AOC2: variants seen among roughly 807,000 people sequenced by gnomAD.
AOC2 encodes amine oxidase copper containing 2.
A neutral mutation model predicts 53.8 loss-of-function variants in AOC2; 57 were observed. The observed-to-expected ratio is 1.06, with a 90% CI of 0.86 to 1.32. AOC2 has a LOEUF of 1.32. Among genes scored for constraint, AOC2 ranks in the 40% most tolerant of loss-of-function variants. AOC2 has a pLI of 0.00. For synonymous variants in AOC2, 404 were observed against 399.0 expected, an observed-to-expected ratio of 1.01 and a Z score of -0.15; for missense variants, 1,008 against 957.2, an observed-to-expected ratio of 1.05 and a Z score of -0.70.
chr17:42,849,668 G>A lies in AOC2; in HGVS notation c.1942G>A (p.Asp648Asn). Reference sequence around the variant, plus strand: ...GAGCAGTAGCATCTATCACCAGAATGACATCTGGACACCCACAGTTACCTT... The same window carrying A: ...GAGCAGTAGCATCTATCACCAGAATAACATCTGGACACCCACAGTTACCTT... The part of the protein sequence containing the change: ...SQSSSIYHQN[D>N]IWTPTVTFAD... The change falls in exon 3 of 4, where the codon GAC becomes AAC. Residue 648 changes from aspartate (D) to asparagine (N), a missense_variant. Coordinates refer to ENST00000253799, the MANE Select transcript of AOC2 (RefSeq NM_009590.4). 6.2e-7 allele frequency: 1 copy of A among 1,614,112 alleles called. No homozygotes were observed.
Position 42,845,466 on chromosome 17 carries a change from G to A in AOC2, c.840G>A (p.Leu280=). 2 of 1,614,166 alleles carry A rather than the reference G, an allele frequency of 1.2e-6. No individual in the cohort carries two copies. Among genetic ancestry groups the A allele is most frequent in the Non-Finnish European group, 1.7e-6 (2 of 1,180,044 alleles). Residue 280 remains leucine, a synonymous_variant, in exon 1 of 4, where the codon TTG becomes TTA. Transcript: ENST00000253799. The part of the protein sequence containing the change: ...QLEREFKSGR[L]EVVRVPLPPP... ...AACGGGAGTTTAAGTCTGGCCGGTT[G>A]GAAGTGGTTAGAGTCCCTCTACCTC...
At chr17:42,847,978 A>G (rs2055611754) in intron 1 of AOC2, among the ~76,000 whole-genome samples, 1 of 148,086 alleles carries the variant, frequency 6.8e-6, no homozygotes, top group African/African-American at 2.5e-5. Flanking sequence ...GGGTTTCACC[A>G]TGTTGGCCAG....
At chr17:42,846,395 G>A (rs188502518) in intron 1 of AOC2, among the ~76,000 whole-genome samples, 181 bp downstream of exon 1, 15 of 152,314 alleles carry the variant, frequency 9.8e-5, no homozygotes, top group African/African-American at 3.1e-4. Context: ...CAGTGAGTCT[G>A]GTACTGGGCT....
At position 42,845,041 on chromosome 17, in the gene AOC2, G is replaced by A. The variant is rs2055580880; in HGVS notation, c.415G>A (p.Val139Met). Residue 139 changes from valine (V) to methionine (M), a missense_variant, in exon 1 of 4, where the codon GTG (valine) becomes ATG (methionine). By Grantham distance (21) the Val-to-Met change is conservative. Coordinates refer to ENST00000253799, the MANE Select transcript of AOC2 (RefSeq NM_009590.4). Reference sequence around the variant, plus strand: ...CCAACCCAATGTGAGTGAGCTGGTGGTGGGGCCGCTGCCTCACCCCTCGTA... The same window carrying A: ...CCAACCCAATGTGAGTGAGCTGGTGATGGGGCCGCTGCCTCACCCCTCGTA... ...QPQPNVSELV[V>M]GPLPHPSYMR... 6.2e-7 allele frequency: 1 copy of A among 1,613,200 alleles called. No homozygotes were observed. The highest frequency in any genetic ancestry group is 1.3e-5 in the African/African-American group (1 of 74,876).
chr17:42,845,522 G>T lies in AOC2; in HGVS notation c.896G>T (p.Arg299Leu). 1 of 1,614,116 alleles carries T rather than the reference G, an allele frequency of 6.2e-7. No individual in the cohort carries two copies. Among genetic ancestry groups the T allele is most frequent in the Non-Finnish European group, 8.5e-7 (1 of 1,179,992 alleles). ...PPNGASSLRSRNSPGPLPPLQ... is the reference protein window; with the variant it reads ...PPNGASSLRSLNSPGPLPPLQ... The stretch of plus-strand genomic sequence containing the variant: ...AATGGAGCTTCATCCCTGAGGTCTC[G>T]GAACTCTCCAGGTCCTCTTCCCCCT... Residue 299 changes from arginine to leucine, a missense_variant, in exon 1 of 4, where the codon CGG becomes CTG. Physicochemically the swap from Arg to Leu is moderately radical, Grantham distance 102. Coordinates refer to ENST00000253799, the MANE Select transcript of AOC2 (RefSeq NM_009590.4).
rs142436284 is a variant in AOC2 at position 42,845,035 on chromosome 17, C to G, written c.409C>G (p.Leu137Val). The change falls in exon 1 of 4, where the codon CTG (leucine) becomes GTG (valine). Residue 137 changes from leucine (L) to valine (V), a missense_variant. By Grantham distance (32) the Leu-to-Val change is conservative (BLOSUM62 1). Coordinates refer to ENST00000253799, the MANE Select transcript of AOC2 (RefSeq NM_009590.4). ...ACAACCCCAACCCAATGTGAGTGAGCTGGTGGTGGGGCCGCTGCCTCACCC... is the reference window on the plus strand; with the variant it reads ...ACAACCCCAACCCAATGTGAGTGAGGTGGTGGTGGGGCCGCTGCCTCACCC... ...GGQPQPNVSE[L>V]VVGPLPHPSY... 103 of 1,613,916 alleles carry G rather than the reference C, an allele frequency of 6.4e-5. No homozygotes were observed. The African/African-American group carries it at 1.3e-3, about 20-fold the overall frequency.
At position 42,845,262 on chromosome 17, in the gene AOC2, G is replaced by A. The variant is rs766208012; in HGVS notation, c.636G>A (p.Leu212=). The A allele has an allele frequency of 8.7e-6, 14 of 1,614,010 alleles. No individual in the cohort carries two copies. Among genetic ancestry groups the A allele is most frequent in the South Asian group, 3.3e-5 (3 of 91,090 alleles). The part of the protein sequence containing the change: ...LAAVHATPRG[L]RSGDRATWMA... ...CTGTGCATGCCACCCCTCGGGGCTTGCGCTCAGGGGACCGAGCTACCTGGA... is the reference window on the plus strand; with the variant it reads ...CTGTGCATGCCACCCCTCGGGGCTTACGCTCAGGGGACCGAGCTACCTGGA... The change falls in exon 1 of 4, where the codon TTG becomes TTA. Residue 212 remains leucine (L), a synonymous_variant. Coordinates refer to ENST00000253799, the MANE Select transcript of AOC2 (RefSeq NM_009590.4).
In AOC2 at chr17:42,845,063, C is replaced by T. The variant is rs551906714; in HGVS notation, c.437C>T (p.Ser146Leu). The T allele has an allele frequency of 7.5e-5, 121 of 1,613,980 alleles. No individual in the cohort carries two copies. Among genetic ancestry groups the T allele is most frequent in the Non-Finnish European group, 9.7e-5 (115 of 1,180,030 alleles). The change falls in exon 1 of 4, where the codon TCG becomes TTG. Residue 146 changes from serine (S) to leucine (L), a missense_variant. Ser to Leu is a moderately radical substitution (Grantham distance 145, BLOSUM62 -2). Coordinates refer to ENST00000253799, the MANE Select transcript of AOC2 (RefSeq NM_009590.4). ...GTGGTGGGGCCGCTGCCTCACCCCT[C>T]GTACATGCGGGATGTGACTGTGGAG... Reference protein sequence around the residue: ...ELVVGPLPHPSYMRDVTVERH... With the variant: ...ELVVGPLPHPLYMRDVTVERH...
At position 42,850,615 on chromosome 17, in the gene AOC2, ATC is replaced by A. The variant is rs1473308827; in HGVS notation, c.*271_*272del. ...AATAGGTGGTCACATTACATCAGAC[ATC>A]TCTTTATGCATGTGCATTCAAAAGG... On this transcript the variant is annotated 3_prime_UTR_variant, in exon 4 of 4. Coordinates refer to ENST00000253799, the MANE Select transcript of AOC2 (RefSeq NM_009590.4). 2.7e-5 allele frequency: 10 copies of A among 366,632 alleles called. No homozygotes were observed. Among genetic ancestry groups the A allele is most frequent in the Non-Finnish European group, 4.4e-5 (9 of 205,532 alleles). The allele number at this position is 366,632 out of a possible 1,614,324, so 22.7% of individuals were successfully genotyped here.
In AOC2 at chr17:42,845,537, C is replaced by T. The variant is rs775315442; in HGVS notation, c.911C>T (p.Pro304Leu). 6.2e-6 allele frequency: 10 copies of T among 1,614,186 alleles called. 1 individual carries two copies. The South Asian group carries it at 7.7e-5, about 12-fold the overall frequency. Reference protein sequence around the residue: ...SSLRSRNSPGPLPPLQFSPQG... With the variant: ...SSLRSRNSPGLLPPLQFSPQG... Reference sequence around the variant, plus strand: ...CTGAGGTCTCGGAACTCTCCAGGTCCTCTTCCCCCTCTTCAGTTCTCGCCC... The same window carrying T: ...CTGAGGTCTCGGAACTCTCCAGGTCTTCTTCCCCCTCTTCAGTTCTCGCCC... The change falls in exon 1 of 4, where the codon CCT becomes CTT. Residue 304 changes from proline (P) to leucine (L), a missense_variant. Pro to Leu is a moderately conservative substitution (Grantham distance 98, BLOSUM62 -3). Transcript: ENST00000253799.
In AOC2 at chr17:42,845,896, T is replaced by C; in HGVS notation, c.1270T>C (p.Cys424Arg). 6.2e-7 allele frequency: 1 copy of C among 1,614,106 alleles called. No individual in the cohort carries two copies. The highest frequency in any genetic ancestry group is 8.5e-7 in the Non-Finnish European group (1 of 1,180,006). The change falls in exon 1 of 4, where the codon TGT becomes CGT. Residue 424 changes from cysteine (C) to arginine (R), a missense_variant. Transcript: ENST00000253799. ...GAVQLLPGAV[C>R]VFEEAQGLPL... is the part of the protein sequence containing the mutation. ...AGTCCAGCTGCTTCCAGGGGCTGTGTGTGTATTTGAGGAAGCCCAGGGACT... is the reference window on the plus strand; with the variant it reads ...AGTCCAGCTGCTTCCAGGGGCTGTGCGTGTATTTGAGGAAGCCCAGGGACT...
chr17:42,846,207 TGTGGCAG>T lies in AOC2; in HGVS notation c.1585_1588+3del. On this transcript the variant is annotated frameshift_variant and splice_region_variant, in exon 1 of 4. Transcript: ENST00000253799. LOFTEE classifies it high-confidence loss of function. Reference sequence around the variant, plus strand: ...CCTTCCACTTCAAGCTGGACCTGGATGTGGCAGGTGAGTGCTGAGGGGATGAGGATGG... The same window carrying T: ...CCTTCCACTTCAAGCTGGACCTGGATGTGAGTGCTGAGGGGATGAGGATGG... The T allele has an allele frequency of 6.7e-7, 1 of 1,499,888 alleles. No individual in the cohort carries two copies. Among genetic ancestry groups the T allele is most frequent in the Non-Finnish European group, 8.9e-7 (1 of 1,124,310 alleles). 92.9% of individuals were successfully genotyped at this position (1,499,888 alleles called of 1,614,324 possible).
At chr17:42,849,917 C>G (rs2055636142) in intron 3 of AOC2, among the ~76,000 whole-genome samples, 165 bp from the exon 4 acceptor site, 1 of 152,200 alleles carries the variant, frequency 6.6e-6, no homozygotes, top group East Asian at 1.9e-4. Flanking sequence ...CACTGGCTCC[C>G]CCCTCTCCCC....
In AOC2 at chr17:42,844,753, A is replaced by C. The variant is rs762759511; in HGVS notation, c.127A>C (p.Arg43=). 1.5e-5 allele frequency: 24 copies of C among 1,614,058 alleles called. No homozygotes were observed. Among genetic ancestry groups the C allele is most frequent in the Non-Finnish European group, 1.8e-5 (21 of 1,180,032 alleles). The part of the protein sequence containing the change: ...QPPHCPSVSH[R]AQPWPHPGQS... ...TCCCCACTGCCCCTCTGTATCCCAT[A>C]GGGCCCAGCCCTGGCCACACCCTGG... Residue 43 remains arginine (R), a synonymous_variant, in exon 1 of 4, where the codon AGG becomes CGG. Transcript: ENST00000253799.
chr17:42,847,288 G>A (rs1046899107), intron 1 of AOC2, among the ~76,000 whole-genome samples: 2 of 152,238 alleles, frequency 1.3e-5, no homozygotes, highest in Non-Finnish European at 2.9e-5. Flanking sequence ...CCCCTAGCGT[G>A]TGCAGCATGG....
chr17:42,850,082 G>A lies in AOC2; in HGVS notation c.2005G>A (p.Asp669Asn). Residue 669 changes from aspartate to asparagine, a missense_variant and splice_region_variant, in exon 4 of 4, where the codon GAT becomes AAT. Coordinates refer to ENST00000253799, the MANE Select transcript of AOC2 (RefSeq NM_009590.4). ...CTCCAGCTCCTCCTTCTTCTTGCAG[G>A]ATCTGGTGGCTTGGGTCACAGCCAG... is the stretch of plus-strand genomic sequence containing the variant. ...FINNETLLGE[D>N]LVAWVTASFL... The A allele has an allele frequency of 6.2e-7, 1 of 1,612,604 alleles. No homozygotes were observed. The highest frequency in any genetic ancestry group is 1.1e-5 in the South Asian group (1 of 91,050).
In AOC2 at chr17:42,845,907, G is replaced by A; in HGVS notation, c.1281G>A (p.Glu427=). The stretch of plus-strand genomic sequence containing the variant: ...TTCCAGGGGCTGTGTGTGTATTTGA[G>A]GAAGCCCAGGGACTGCCCCTTCGAA... ...QLLPGAVCVF[E]EAQGLPLRRH... is the part of the protein sequence containing the mutation. The change falls in exon 1 of 4, where the codon GAG becomes GAA. Residue 427 remains glutamate, a synonymous_variant. Transcript: ENST00000253799. 6.2e-7 allele frequency: 1 copy of A among 1,614,170 alleles called. No homozygotes were observed. The highest frequency in any genetic ancestry group is 1.3e-5 in the African/African-American group (1 of 75,054).
chr17:42,844,603 T>TC lies in AOC2; in HGVS notation c.-24_-23insC. 1 of 1,585,110 alleles carries TC rather than the reference T, an allele frequency of 6.3e-7. No individual in the cohort carries two copies. Among genetic ancestry groups the TC allele is most frequent in the Non-Finnish European group, 8.6e-7 (1 of 1,160,212 alleles). The stretch of plus-strand genomic sequence containing the variant: ...CTGGAAGGAGCAGCTGTTAGAATTC[T>TC]GATTTCAGCTCTCAGCATCCACCAT... On this transcript the variant is annotated 5_prime_UTR_variant, in exon 1 of 4. Transcript: ENST00000253799.
chr17:42,849,074 T>G lies in AOC2; in HGVS notation c.1589-12T>G. 6.3e-7 allele frequency: 1 copy of G among 1,599,742 alleles called. No individual in the cohort carries two copies. Among genetic ancestry groups the G allele is most frequent in the Non-Finnish European group, 8.5e-7 (1 of 1,170,374 alleles). ...TGGTGTGGAACTCATCTCCTTTCCC[T>G]CCCCCTGGCAGGGCTGAAAAACTGG... On this transcript the variant is annotated splice_polypyrimidine_tract_variant and intron_variant, in intron 1 of 3. Transcript: ENST00000253799.
Sources: gnomAD v4.1 joint callset for allele counts (sites outside exome capture counted in the v4.1 genomes callset) on GRCh38, gnomAD v4.1.1 for gene constraint, MANE v1.5 for transcripts, NCBI Gene and HGNC (gene_info 2026-07-23, HGNC 2026-07-21) for gene names.